Variants in KAZN observed in about 807,000 individuals in gnomAD.
KAZN encodes the protein kazrin.
KAZN carries 40 observed loss-of-function variants against 87.4 expected under a neutral mutation model. The observed-to-expected ratio is 0.46, with a 90% CI of 0.36 to 0.60. The LOEUF is 0.60. KAZN is among the 20% of genes least tolerant of loss of function. The probability of loss-of-function intolerance (pLI) is 0.00; values close to 1 mark genes in which losing one functional copy is unlikely to be tolerated. For missense variants in KAZN, 898 were observed against 1,073.9 expected, an observed-to-expected ratio of 0.84 and a Z score of 2.29; for synonymous variants, 466 against 458.3, an observed-to-expected ratio of 1.02 and a Z score of -0.22.
At chr1:13,981,434 T>C (rs12070689) in intron 1 of KAZN, among the ~76,000 whole-genome samples, 26,555 of 149,800 alleles carry the variant, frequency 0.18, 2,593 homozygotes, top group African/African-American at 0.24. Context: ...ATTTTAGCTA[T>C]TGGTCAAAGC....
intron 2 of KAZN, among the ~76,000 whole-genome samples, chr1:14,968,622 G>A (rs1664708821): frequency 6.6e-6 from 1 of 152,226 alleles, no homozygotes; most frequent in Non-Finnish European, 1.5e-5. Context: ...GCAGGGCACA[G>A]CAGCCAGCAC....
At chr1:14,120,298 C>T (rs779175500) in intron 1 of KAZN, among the ~76,000 whole-genome samples, 5 of 152,030 alleles carry the variant, frequency 3.3e-5, no homozygotes, top group African/African-American at 9.7e-5. Context: ...GCCGTGCACT[C>T]TTTTAAACAA....
chr1:14,993,463 C>T (rs1667551048), intron 2 of KAZN, among the ~76,000 whole-genome samples: 2 of 151,636 alleles, frequency 1.3e-5, no homozygotes, highest in Admixed American at 1.3e-4. Context: ...GAGCAAAACT[C>T]CATCTCAAAA....
chr1:14,254,336 CAG>C (rs1035552308), intron 2 of KAZN, among the ~76,000 whole-genome samples: 10 of 152,188 alleles, frequency 6.6e-5, no homozygotes, highest in Non-Finnish European at 1.3e-4. Context: ...TGCAGAAACT[CAG>C]AGAGAAGCTC....
At chr1:14,272,628 G>A (rs1274340191) in intron 2 of KAZN, among the ~76,000 whole-genome samples, 3 of 152,152 alleles carry the variant, frequency 2.0e-5, no homozygotes, top group Non-Finnish European at 4.4e-5. Context: ...GGAGGCCGAG[G>A]TGGGCGGATC....
At chr1:15,033,250 C>T (rs1671915849) in intron 2 of KAZN, among the ~76,000 whole-genome samples, 1 of 152,082 alleles carries the variant, frequency 6.6e-6, no homozygotes, top group Admixed American at 6.5e-5. Context: ...CAATGGCCCT[C>T]CTTGTTTTTA....
intron 1 of KAZN, among the ~76,000 whole-genome samples, chr1:14,048,811 G>T (rs1387847309): frequency 6.6e-6 from 1 of 152,142 alleles, no homozygotes; most frequent in Non-Finnish European, 1.5e-5. Context: ...GGGTCAAATG[G>T]TATTTCTAGT....
At chr1:14,549,810 C>T (rs1673396160) in intron 2 of KAZN, among the ~76,000 whole-genome samples, 1 of 152,072 alleles carries the variant, frequency 6.6e-6, no homozygotes, top group Non-Finnish European at 1.5e-5. Context: ...AAAAACCATG[C>T]CTCTTGGATG....
At chr1:14,446,327 C>T (rs1393860338) in intron 2 of KAZN, among the ~76,000 whole-genome samples, 1 of 152,128 alleles carries the variant, frequency 6.6e-6, no homozygotes, top group Non-Finnish European at 1.5e-5. Context: ...TTATTCCAAG[C>T]CCAGTGATGT....
upstream of KAZN, among the ~76,000 whole-genome samples, chr1:14,595,764 G>A (rs1263851440): frequency 6.6e-6 from 1 of 151,902 alleles, no homozygotes; most frequent in Non-Finnish European, 1.5e-5. Context: ...TACCCGCAGA[G>A]GCTAATTGAT....
At chr1:14,264,305 C>T (rs1651309225) in intron 2 of KAZN, among the ~76,000 whole-genome samples, 2 of 152,170 alleles carry the variant, frequency 1.3e-5, no homozygotes, top group Admixed American at 1.3e-4. Flanking sequence ...TGGGTGTTTG[C>T]TAGAGGCCAC....
At chr1:14,370,280 A>G (rs1333081049) in intron 2 of KAZN, among the ~76,000 whole-genome samples, 1 of 152,180 alleles carries the variant, frequency 6.6e-6, no homozygotes, top group Non-Finnish European at 1.5e-5. Flanking sequence ...GGTAGGGTGG[A>G]GGGTGGGCAA....
chr1:14,627,877 G>A (rs1273811237), intron 1 of KAZN, among the ~76,000 whole-genome samples: 2 of 152,168 alleles, frequency 1.3e-5, no homozygotes, highest in African/African-American at 2.4e-5. Context: ...GGGGTAACAG[G>A]TTTATTCTCT....
rs1371239742 is a variant in KAZN, at chr1:14,896,094, T to C, written c.227-64590T>C. Among the ~76,000 whole-genome samples, 13 of 148,790 alleles carry C rather than the reference T, an allele frequency of 8.7e-5. No individual in the cohort carries two copies. The Admixed American group carries it at 8.8e-4, about 10-fold the overall frequency. Reference sequence around the variant, plus strand: ...TTTTGGACACAGATTCTTGCTCTGTTGCTAGGCTGGAGTGGAATGGTGCAA... The same window carrying C: ...TTTTGGACACAGATTCTTGCTCTGTCGCTAGGCTGGAGTGGAATGGTGCAA... On this transcript the variant is annotated intron_variant, in intron 1 of 14. Coordinates refer to ENST00000376030, the MANE Select transcript of KAZN (RefSeq NM_201628.3).
chr1:14,187,541 G>A lies in KAZN; in HGVS notation c.249+6949G>A, dbSNP rs192884019. Among the ~76,000 whole-genome samples, 87 of 152,224 alleles carry A rather than the reference G, an allele frequency of 5.7e-4. 1 individual carries two copies. The highest frequency in any genetic ancestry group is 1.9e-3 in the African/African-American group (78 of 41,536). On this transcript the variant is annotated intron_variant, in intron 2 of 16. Transcript: ENST00000636203. Reference sequence around the variant, plus strand: ...TACCCAATCCCACCATCACCCTTTAGATGAGAGGCTCCCAGCTGAGAAGGA... The same window carrying A: ...TACCCAATCCCACCATCACCCTTTAAATGAGAGGCTCCCAGCTGAGAAGGA...
chr1:14,016,797 A>G (rs1294868936), intron 1 of KAZN, among the ~76,000 whole-genome samples: 4 of 152,210 alleles, frequency 2.6e-5, no homozygotes, highest in African/African-American at 7.2e-5. Flanking sequence ...TACAGTTTCC[A>G]TGAAGATCCA....
chr1:13,990,101 A>G (rs1386083482), intron 1 of KAZN, among the ~76,000 whole-genome samples: 1 of 152,230 alleles, frequency 6.6e-6, no homozygotes, highest in Non-Finnish European at 1.5e-5. Flanking sequence ...ACTTTACTTT[A>G]GAAAGATCCC....
chr1:14,304,084 C>T (rs7531836), intron 2 of KAZN, among the ~76,000 whole-genome samples: 5,282 of 152,288 alleles, frequency 0.035, 301 homozygotes, highest in African/African-American at 0.12. Context: ...TTGGAAATCA[C>T]AGCTTCCTCC....
At chr1:14,767,349 C>T (rs1264901089) in intron 1 of KAZN, among the ~76,000 whole-genome samples, 1 of 152,226 alleles carries the variant, frequency 6.6e-6, no homozygotes, top group African/African-American at 2.4e-5. Flanking sequence ...TGCAAATCCA[C>T]AGCTGCAGAA....
Sources: gnomAD v4.1 joint callset for allele counts (sites outside exome capture counted in the v4.1 genomes callset) on GRCh38, gnomAD v4.1.1 for gene constraint, MANE v1.5 for transcripts, NCBI Gene and HGNC (gene_info 2026-07-23, HGNC 2026-07-21) for gene names.